The following DMD variants were observed in gnomAD, a reference collection of about 807,000 sequenced individuals.
DMD encodes mutant dystrophin.
A neutral mutation model predicts 330.1 loss-of-function variants in DMD; 63 were observed. That is an observed-to-expected ratio of 0.19 (90% CI 0.16 to 0.24). The LOEUF (loss-of-function observed/expected upper bound fraction) is 0.24, where lower values mean the gene tolerates loss of function less well. Among genes scored for constraint, DMD ranks in the 10% least tolerant of loss-of-function variants. The probability of loss-of-function intolerance (pLI) is 1.00; values close to 1 mark genes in which losing one functional copy is unlikely to be tolerated. For synonymous variants in DMD, 1,223 were observed against 959.8 expected, an observed-to-expected ratio of 1.27 and a Z score of -5.07; for missense variants, 3,344 against 2,684.1, an observed-to-expected ratio of 1.25 and a Z score of -5.43.
At chrX:32,819,155 T>C (rs1489467026) in intron 5 of DMD, among the ~76,000 whole-genome samples, 2 of 110,029 alleles carry the variant, frequency 1.8e-5, no homozygotes, top group East Asian at 2.9e-4. Flanking sequence ...AATAATCTTA[T>C]ATGGTAAGGA....
At chrX:33,238,501 T>A (rs900278698) in intron 1 of DMD, among the ~76,000 whole-genome samples, 1 of 111,346 alleles carries the variant, frequency 9.0e-6, no homozygotes, top group Non-Finnish European at 1.9e-5. Context: ...CCCCTGTTTG[T>A]GTGTGTATGT....
chrX:32,840,616 C>T (rs768754537), intron 4 of DMD, among the ~76,000 whole-genome samples: 11 of 112,012 alleles, frequency 9.8e-5, no homozygotes, highest in Non-Finnish European at 1.9e-4. Flanking sequence ...AAAAGTTAAC[C>T]ACTCTCTTCA....
At chrX:32,697,671 G>A (rs1317738354) in intron 9 of DMD, among the ~76,000 whole-genome samples, 199 bp downstream of exon 9, 3 of 111,817 alleles carry the variant, frequency 2.7e-5, no homozygotes, top group Admixed American at 9.6e-5. Flanking sequence ...TATTTATGAA[G>A]AATCAACGTA....
chrX:33,062,028 T>C (rs1305116909), intron 1 of DMD, among the ~76,000 whole-genome samples: 1 of 112,512 alleles, frequency 8.9e-6, no homozygotes, highest in Admixed American at 9.5e-5. Context: ...CAGCTTTAGA[T>C]AGCAACTCTT....
At chrX:32,488,352 T>A (rs1008319723) in intron 20 of DMD, among the ~76,000 whole-genome samples, 1 of 111,282 alleles carries the variant, frequency 9.0e-6, no homozygotes, top group Admixed American at 9.6e-5. Flanking sequence ...TTCATGAATT[T>A]TTTCCAATTC....
chrX:32,113,809 C>T lies in DMD; in HGVS notation c.6438+103107G>A, dbSNP rs185897349. ...TTATCAAACTTTGACCTCATGCCCT[C>T]ATTCCTACCTCTCAGACACAAATTA... On this transcript the variant is annotated intron_variant, in intron 44 of 78. Coordinates refer to ENST00000357033, the MANE Select transcript of DMD (RefSeq NM_004006.3). Among the ~76,000 whole-genome samples, 312 of 111,921 alleles carry T rather than the reference C, an allele frequency of 2.8e-3. 1 individual carries two copies. The highest frequency in any genetic ancestry group is 0.014 in the Middle Eastern group (3 of 217).
chrX:32,473,911 G>A (rs1480267454), intron 21 of DMD, among the ~76,000 whole-genome samples: 2 of 109,725 alleles, frequency 1.8e-5, no homozygotes, highest in East Asian at 2.9e-4. Context: ...GTGGTGATTT[G>A]TGAGATTTTG....
intron 15 of DMD, among the ~76,000 whole-genome samples, chrX:32,572,744 C>A (rs2052570831): frequency 9.1e-6 from 1 of 110,202 alleles, no homozygotes; most frequent in African/African-American, 3.3e-5. Flanking sequence ...GATCTCTGTT[C>A]TCCAAATCTC....
intron 7 of DMD, among the ~76,000 whole-genome samples, chrX:32,705,967 G>C (rs1159921675): frequency 9.2e-6 from 1 of 108,942 alleles, no homozygotes; most frequent in Non-Finnish European, 1.9e-5. Context: ...CAAAGACTTG[G>C]AACCAACCCA....
intron 61 of DMD, among the ~76,000 whole-genome samples, chrX:31,326,147 C>T (rs2056769432): frequency 9.1e-6 from 1 of 110,268 alleles, no homozygotes; most frequent in African/African-American, 3.3e-5. Flanking sequence ...GAAACAACCT[C>T]TAAGCAGCGA....
At chrX:32,055,242 C>T (rs1483181202) in intron 44 of DMD, among the ~76,000 whole-genome samples, 1 of 111,382 alleles carries the variant, frequency 9.0e-6, no homozygotes, top group African/African-American at 3.3e-5. Context: ...ATTTGCTCCA[C>T]CTCTAAAATG....
chrX:31,818,806 G>A (rs946018441), intron 50 of DMD, among the ~76,000 whole-genome samples: 6 of 109,572 alleles, frequency 5.5e-5, no homozygotes, highest in Non-Finnish European at 1.1e-4. Flanking sequence ...GATGACTGCC[G>A]AGTAATCCCA....
chrX:32,687,696 A>T (rs1043767141), intron 9 of DMD, among the ~76,000 whole-genome samples: 3 of 111,630 alleles, frequency 2.7e-5, no homozygotes, highest in African/African-American at 9.8e-5. Context: ...ATTTTATTAC[A>T]CCTATATGAG....
intron 7 of DMD, among the ~76,000 whole-genome samples, chrX:32,715,323 A>G (rs917402900): frequency 3.7e-5 from 4 of 109,523 alleles, no homozygotes; most frequent in Non-Finnish European, 7.6e-5. Context: ...CTAAAAATTC[A>G]AAAATTAGTT....
intron 55 of DMD, among the ~76,000 whole-genome samples, chrX:31,544,160 T>C (rs2074008493): frequency 2.7e-5 from 3 of 110,247 alleles, no homozygotes; most frequent in Admixed American, 9.7e-5. Context: ...CCATCTCTAC[T>C]AAAGATACAA....
intron 2 of DMD, among the ~76,000 whole-genome samples, chrX:32,895,412 C>G (rs193191771): frequency 2.7e-5 from 3 of 111,923 alleles, no homozygotes; most frequent in African/African-American, 9.7e-5. Flanking sequence ...ACTGAATTAC[C>G]CAAAAATATA....
intron 16 of DMD, among the ~76,000 whole-genome samples, chrX:32,557,529 C>A (rs987049131): frequency 1.8e-5 from 2 of 111,319 alleles, no homozygotes; most frequent in African/African-American, 3.3e-5. Flanking sequence ...TATATGTAAC[C>A]CTTTGGAGTG....
At chrX:31,341,889 G>GCA (rs1239381351) in intron 61 of DMD, among the ~76,000 whole-genome samples, 9 of 65,067 alleles carry the variant, frequency 1.4e-4, no homozygotes, top group South Asian at 6.6e-4. Flanking sequence ...GCGTGCGCGC[G>GCA]CGCACACACA....
intron 1 of DMD, among the ~76,000 whole-genome samples, chrX:33,109,525 G>T (rs911569307): frequency 9.0e-6 from 1 of 111,052 alleles, no homozygotes; most frequent in Non-Finnish European, 1.9e-5. Context: ...CCTAAGTACA[G>T]CATCTAAAGC....
Sources: allele counts gnomAD v4.1 joint callset (sites outside exome capture counted in the v4.1 genomes callset), GRCh38; gene constraint gnomAD v4.1.1; transcripts MANE v1.5; gene names NCBI Gene and HGNC (gene_info 2026-07-23, HGNC 2026-07-21).